Variants in NARS1 observed in about 807,000 individuals in gnomAD.
The protein encoded by NARS1 is asparagine--tRNA ligase, cytoplasmic.
In NARS1, 65 loss-of-function variants were observed where a neutral mutation model predicts 79.2. The ratio of observed to expected loss-of-function variants is 0.82; its 90% CI spans 0.67 to 1.01. The LOEUF (loss-of-function observed/expected upper bound fraction) is 1.01, where lower values mean the gene tolerates loss of function less well. NARS1 is among the 50% of genes least tolerant of loss of function. The probability of loss-of-function intolerance (pLI) is 0.00; values close to 1 mark genes in which losing one functional copy is unlikely to be tolerated. For missense variants in NARS1, 649 were observed against 673.8 expected, an observed-to-expected ratio of 0.96 and a Z score of 0.41; for synonymous variants, 229 against 238.8, an observed-to-expected ratio of 0.96 and a Z score of 0.38.
At chr18:57,616,064 C>A (rs768345398) in intron 2 of NARS1, 89 bp from the exon 3 acceptor site, 10 of 1,211,942 alleles carry the variant, frequency 8.3e-6, no homozygotes, top group Non-Finnish European at 1.0e-5. Flanking sequence ...GCAACTGGAA[C>A]AATCTAAGCA....
At chr18:57,612,790 G>T (rs752832477) in intron 5 of NARS1, among the ~76,000 whole-genome samples, 2 of 152,080 alleles carry the variant, frequency 1.3e-5, no homozygotes, top group Non-Finnish European at 2.9e-5. Flanking sequence ...TAGTAAAAGT[G>T]ACATGTTTAT....
At chr18:57,615,068 C>T (rs2051636919) in intron 4 of NARS1, among the ~76,000 whole-genome samples, 1 of 151,898 alleles carries the variant, frequency 6.6e-6, no homozygotes. Context: ...GTGGTCCCCC[C>T]TACTTGGGAG....
intron 2 of NARS1, among the ~76,000 whole-genome samples, chr18:57,617,277 A>G (rs1267280949): frequency 6.6e-6 from 1 of 152,130 alleles, no homozygotes; most frequent in Non-Finnish European, 1.5e-5. Context: ...GCTGCAGAGA[A>G]GGAGGGAATC....
At chr18:57,606,906 G>T in intron 9 of NARS1, 155 bp from the exon 10 acceptor site, 1 of 982,542 alleles carries the variant, frequency 1.0e-6, no homozygotes, top group Non-Finnish European at 1.5e-6. Context: ...CTTCTCCACT[G>T]AGTAGCAATT....
intron 11 of NARS1, 71 bp downstream of exon 11, chr18:57,605,786 G>T (rs547678910): frequency 9.8e-7 from 1 of 1,022,074 alleles, no homozygotes; most frequent in Non-Finnish European, 1.5e-6. Flanking sequence ...CATGTTACTA[G>T]TTCATTAACC....
Position 57,601,552 on chromosome 18 carries a change from C to T in NARS1, c.*100G>A, listed in dbSNP as rs2051505980. The T allele has an allele frequency of 8.2e-7, 1 of 1,220,476 alleles. No individual in the cohort carries two copies. Among genetic ancestry groups the T allele is most frequent in the East Asian group, 2.4e-5 (1 of 40,840 alleles). 75.6% of individuals were successfully genotyped at this position (1,220,476 alleles called of 1,614,324 possible). On this transcript the variant is annotated 3_prime_UTR_variant, in exon 14 of 14. Coordinates refer to ENST00000256854, the MANE Select transcript of NARS1 (RefSeq NM_004539.4). ...GTAGAAAGAAAAACAGAAAGAGAAA[C>T]CCCAATGAAACAAAAAAAGGAAGAT... is the stretch of plus-strand genomic sequence containing the variant.
At chr18:57,611,460 C>T (rs950609280) in intron 6 of NARS1, among the ~76,000 whole-genome samples, 177 bp downstream of exon 6, 9 of 151,976 alleles carry the variant, frequency 5.9e-5, no homozygotes, top group Non-Finnish European at 1.3e-4. Context: ...TCCCTCTAGC[C>T]TTATTAAGGT....
chr18:57,602,534 GAC>G (rs1204716414), intron 12 of NARS1, 48 bp from the exon 13 acceptor site: 1 of 1,601,526 alleles, frequency 6.2e-7, no homozygotes, highest in East Asian at 2.2e-5. Context: ...CAAGCGATCA[GAC>G]ACAGCACTGC....
Position 57,607,456 on chromosome 18 carries a change from C to G in NARS1, c.789G>C (p.Arg263Ser). The G allele has an allele frequency of 1.2e-6, 2 of 1,614,006 alleles. No homozygotes were observed. The highest frequency in any genetic ancestry group is 2.2e-5 in the East Asian group (1 of 44,886). ...AATGCATACTTACTTCATAGTACCCCCTATCAAAGAAGTGATCTCTAAAGC... is the reference window on the plus strand; with the variant it reads ...AATGCATACTTACTTCATAGTACCCGCTATCAAAGAAGTGATCTCTAAAGC... ...TRCFRDHFFD[R>S]GYYEVTPPTL... Residue 263 changes from arginine (R) to serine (S), a missense_variant, in exon 8 of 14, where the codon AGG (arginine) becomes AGC (serine). Physicochemically the swap from Arg to Ser is moderately radical, Grantham distance 110. Transcript: ENST00000256854.
intron 4 of NARS1, 79 bp from the exon 5 acceptor site, chr18:57,613,759 GGTA>G (rs1411716768): frequency 1.7e-6 from 2 of 1,168,294 alleles, no homozygotes; most frequent in Admixed American, 3.9e-5. Flanking sequence ...TTAGGCAGAC[GGTA>G]GTAAGTGTTA....
At chr18:57,610,129 C>G (rs1396005842) in intron 6 of NARS1, among the ~76,000 whole-genome samples, 3 of 135,584 alleles carry the variant, frequency 2.2e-5, no homozygotes, top group Admixed American at 2.1e-4. Context: ...TGATGGGGAA[C>G]TTTAAAAGGA....
intron 7 of NARS1, 96 bp from the exon 8 acceptor site, chr18:57,607,761 G>A (rs1272413077): frequency 3.7e-6 from 4 of 1,068,294 alleles, no homozygotes; most frequent in Non-Finnish European, 5.3e-6. Context: ...GTTTTGGTAA[G>A]CTGAGATTTT....
rs2051559821 is a variant in NARS1 at position 57,606,637 on chromosome 18, G to C, written c.1116C>G (p.Ser372Arg). ...CTACCGGGTTGAGCTCATGCACTATGCTCCCTGCAGGTGACTTCAATATTC... is the reference window on the plus strand; with the variant it reads ...CTACCGGGTTGAGCTCATGCACTATCCTCCCTGCAGGTGACTTCAATATTC... ...VDRILKSPAG[S>R]IVHELNPNFQ... Residue 372 changes from serine to arginine, a missense_variant, in exon 10 of 14, where the codon AGC (serine) becomes AGG (arginine). Ser to Arg is a moderately radical substitution (Grantham distance 110, BLOSUM62 -1). Transcript: ENST00000256854. 1 of 1,613,816 alleles carries C rather than the reference G, an allele frequency of 6.2e-7. No individual in the cohort carries two copies. The highest frequency in any genetic ancestry group is 8.5e-7 in the Non-Finnish European group (1 of 1,179,934).
At chr18:57,620,672 A>G in intron 1 of NARS1, 21 bp from the exon 2 acceptor site, 1 of 1,546,524 alleles carries the variant, frequency 6.5e-7, no homozygotes, top group Non-Finnish European at 8.9e-7. Flanking sequence ...AAATGAGGGT[A>G]AGTTATGGTC....
chr18:57,605,610 C>CAAAA (rs11285116), intron 11 of NARS1, among the ~76,000 whole-genome samples: 1 of 109,634 alleles, frequency 9.1e-6, no homozygotes, highest in Non-Finnish European at 1.9e-5. Flanking sequence ...GACTCCGTCT[C>CAAAA]AAAAAAAAAA....
At chr18:57,615,067 C>T (rs7243062) in intron 4 of NARS1, among the ~76,000 whole-genome samples, 1 of 151,920 alleles carries the variant, frequency 6.6e-6, no homozygotes, top group East Asian at 1.9e-4. Flanking sequence ...TGTGGTCCCC[C>T]CTACTTGGGA....
intron 4 of NARS1, among the ~76,000 whole-genome samples, chr18:57,613,904 A>C (rs1416661903): frequency 6.6e-6 from 1 of 152,242 alleles, no homozygotes; most frequent in East Asian, 1.9e-4. Flanking sequence ...TGTAAAACTG[A>C]TAATGAGAAA....
chr18:57,612,538 T>G (rs1396594130), intron 5 of NARS1, among the ~76,000 whole-genome samples: 1 of 151,630 alleles, frequency 6.6e-6, no homozygotes, highest in Non-Finnish European at 1.5e-5. Flanking sequence ...CAGGTTCAAG[T>G]GCTTCTCCTG....
chr18:57,610,071 G>A (rs972043938), intron 6 of NARS1, among the ~76,000 whole-genome samples: 2 of 150,878 alleles, frequency 1.3e-5, no homozygotes, highest in African/African-American at 4.9e-5. Context: ...ACCATACAGA[G>A]CCCATCTACA....
Sources: gnomAD v4.1 joint callset for allele counts (sites outside exome capture counted in the v4.1 genomes callset) on GRCh38, gnomAD v4.1.1 for gene constraint, MANE v1.5 for transcripts, NCBI Gene and HGNC (gene_info 2026-07-23, HGNC 2026-07-21) for gene names.